The following ARK2C variants were observed in gnomAD, a reference collection of about 807,000 sequenced individuals.
The protein encoded by ARK2C is E3 ubiquitin-protein ligase ARK2C.
At chr18:46,363,940 CTTTTCTTTTTT>C in the ARK2C span, among the ~76,000 whole-genome samples, 1 of 140,452 alleles carries the variant, frequency 7.1e-6, no homozygotes, top group African/African-American at 2.7e-5. Context: ...TTTCTTTTTT[CTTTTCTTTTTT>C]TTTTTTTTTT....
the ARK2C span, among the ~76,000 whole-genome samples, chr18:46,395,274 G>A: frequency 3.3e-5 from 5 of 152,000 alleles, no homozygotes; most frequent in Admixed American, 2.6e-4. Context: ...CATCTCCATG[G>A]CTGCTTACCA....
At chr18:46,365,411 C>T in the ARK2C span, among the ~76,000 whole-genome samples, 164 of 152,302 alleles carry the variant, frequency 1.1e-3, 1 homozygote, top group African/African-American at 3.7e-3. Flanking sequence ...ACAGATGTAC[C>T]TATGTCTTCA....
At chr18:46,399,929 A>C in the ARK2C span, among the ~76,000 whole-genome samples, 2 of 152,158 alleles carry the variant, frequency 1.3e-5, no homozygotes, top group African/African-American at 2.4e-5. Flanking sequence ...TTCAGTGTGC[A>C]TCTTCACATG....
At chr18:46,438,787 C>G in the ARK2C span, among the ~76,000 whole-genome samples, 5 of 152,364 alleles carry the variant, frequency 3.3e-5, no homozygotes, top group South Asian at 2.1e-4. Context: ...ACAGGCTCAT[C>G]ATGAGCTGTT....
the ARK2C span, among the ~76,000 whole-genome samples, chr18:46,412,519 A>T: frequency 0.012 from 1,804 of 152,352 alleles, 30 homozygotes; most frequent in African/African-American, 0.041. Context: ...TACTGAGTGC[A>T]GCCCAGGGTA....
chr18:46,364,405 TA>T, the ARK2C span, among the ~76,000 whole-genome samples: 63,906 of 144,738 alleles, frequency 0.44, 14,369 homozygotes, highest in East Asian at 0.63. Flanking sequence ...CTAAGAAACT[TA>T]AAAAAAAAAA....
the ARK2C span, among the ~76,000 whole-genome samples, chr18:46,375,277 GCACAGTGGCTCA>G: frequency 2.7e-5 from 4 of 148,156 alleles, no homozygotes; most frequent in Admixed American, 2.6e-4. Flanking sequence ...TCCTGGCCGG[GCACAGTGGCTCA>G]CACCTGTCAT....
chr18:46,369,857 G>C, the ARK2C span, among the ~76,000 whole-genome samples: 1 of 152,176 alleles, frequency 6.6e-6, no homozygotes, highest in Non-Finnish European at 1.5e-5. Flanking sequence ...TTGGTATCAG[G>C]GTAGAGCCCG....
the ARK2C span, among the ~76,000 whole-genome samples, chr18:46,392,346 G>T: frequency 6.6e-6 from 1 of 152,254 alleles, no homozygotes; most frequent in East Asian, 1.9e-4. Flanking sequence ...TCAGCTCAGG[G>T]TTCCCTGCTA....
At chr18:46,372,003 G>C in the ARK2C span, among the ~76,000 whole-genome samples, 1 of 152,222 alleles carries the variant, frequency 6.6e-6, no homozygotes, top group Non-Finnish European at 1.5e-5. Context: ...AGAGCTGACT[G>C]TAGGGTCCTG....
At chr18:46,353,420 C>A in the ARK2C span, among the ~76,000 whole-genome samples, 2 of 152,178 alleles carry the variant, frequency 1.3e-5, no homozygotes, top group African/African-American at 4.8e-5. Flanking sequence ...TAGGTGAGAG[C>A]AAGGGTCTGT....
the ARK2C span, among the ~76,000 whole-genome samples, chr18:46,366,200 G>A: frequency 1.9e-4 from 28 of 147,972 alleles, no homozygotes; most frequent in Admixed American, 7.0e-4. Flanking sequence ...GCTGAGGCAG[G>A]AGACTCGCTT....
the ARK2C span, among the ~76,000 whole-genome samples, chr18:46,422,576 T>G: frequency 6.6e-6 from 1 of 152,218 alleles, no homozygotes; most frequent in African/African-American, 2.4e-5. Flanking sequence ...CAAGACTTGC[T>G]CTCTCCTTAC....
At chr18:46,392,049 A>G in the ARK2C span, among the ~76,000 whole-genome samples, 1 of 151,702 alleles carries the variant, frequency 6.6e-6, no homozygotes, top group Non-Finnish European at 1.5e-5. Flanking sequence ...AATACATACA[A>G]CACACACACC....
At chr18:46,363,945 C>CTTTTTTTTTTTTTTTTTTTTT in the ARK2C span, among the ~76,000 whole-genome samples, 2 of 125,578 alleles carry the variant, frequency 1.6e-5, no homozygotes, top group African/African-American at 3.1e-5. Context: ...TTTTTCTTTT[C>CTTTTTTTTTTTTTTTTTTTTT]TTTTTTTTTT....
the ARK2C span, among the ~76,000 whole-genome samples, chr18:46,360,983 T>C: frequency 6.6e-6 from 1 of 152,214 alleles, no homozygotes; most frequent in Admixed American, 6.5e-5. Context: ...ACACTGCACT[T>C]GAAGGAACTG....
chr18:46,351,076 C>A, the ARK2C span, among the ~76,000 whole-genome samples: 1 of 152,178 alleles, frequency 6.6e-6, no homozygotes, highest in Non-Finnish European at 1.5e-5. Context: ...GGCAGAGGGG[C>A]TCCCTGGCAG....
At chr18:46,343,088 A>G in the ARK2C span, among the ~76,000 whole-genome samples, 1 of 152,234 alleles carries the variant, frequency 6.6e-6, no homozygotes, top group Non-Finnish European at 1.5e-5. Context: ...GCATGCACTC[A>G]AAATGCCATA....
At chr18:46,407,880 C>A in the ARK2C span, among the ~76,000 whole-genome samples, 4 of 152,304 alleles carry the variant, frequency 2.6e-5, no homozygotes, top group African/African-American at 9.6e-5. Context: ...GCTTGGAGAA[C>A]CTGGCATACT....
Sources: allele counts gnomAD v4.1 joint callset (sites outside exome capture counted in the v4.1 genomes callset), GRCh38; gene constraint gnomAD v4.1.1; transcripts MANE v1.5; gene names NCBI Gene and HGNC (gene_info 2026-07-23, HGNC 2026-07-21).